The following TCF25 variants were observed in gnomAD, a reference collection of about 807,000 sequenced individuals.
TCF25 encodes the protein ribosome quality control complex subunit TCF25.
Under a neutral mutation model 83.1 loss-of-function variants are expected in TCF25, and 41 were observed. That is an observed-to-expected ratio of 0.49 (90% CI 0.38 to 0.64). TCF25 has a LOEUF of 0.64. Among genes scored for constraint, TCF25 ranks in the 30% least tolerant of loss-of-function variants. TCF25 has a pLI of 0.00. For missense variants in TCF25, 979 were observed against 914.5 expected, an observed-to-expected ratio of 1.07 and a Z score of -0.91; for synonymous variants, 458 against 365.0, an observed-to-expected ratio of 1.25 and a Z score of -2.90.
intron 5 of TCF25, among the ~76,000 whole-genome samples, chr16:89,891,878 C>G (rs1438091410): frequency 1.3e-5 from 2 of 152,062 alleles, no homozygotes; most frequent in African/African-American, 4.8e-5. Context: ...CTGTCTTGCC[C>G]AGGCCAGTCT....
At position 89,906,419 on chromosome 16, in the gene TCF25, G is replaced by A. The variant is rs115407976; in HGVS notation, c.1719+135G>A. On this transcript the variant is annotated intron_variant, in intron 15 of 17. Transcript: ENST00000263346. ...GCCCAGCCCCGCCACGGCAGGGGCA[G>A]GGTCTAGTGCAGAGGGCTCCTCCTT... The A allele has an allele frequency of 5.9e-4, 476 of 801,756 alleles. 4 individuals are homozygous for A. The African/African-American group carries it at 7.1e-3, about 12-fold the overall frequency. 49.7% of individuals were successfully genotyped at this position (801,756 alleles called of 1,614,324 possible).
chr16:89,878,433 C>CTTTTTT, intron 1 of TCF25: 11 of 862,014 alleles, frequency 1.3e-5, no homozygotes, highest in Non-Finnish European at 1.7e-5. Context: ...TAAAAATCAC[C>CTTTTTT]ATTTTTTTTT....
chr16:89,876,823 G>A (rs1008439388), intron 1 of TCF25, among the ~76,000 whole-genome samples: 1 of 151,908 alleles, frequency 6.6e-6, no homozygotes, highest in Admixed American at 6.6e-5. Flanking sequence ...CAGCTACTCA[G>A]GAGGCTGAGG....
intron 5 of TCF25, 89 bp from the exon 6 acceptor site, chr16:89,892,104 T>C (rs546559244): frequency 3.0e-6 from 4 of 1,328,490 alleles, no homozygotes; most frequent in Middle Eastern, 1.9e-4. Flanking sequence ...CAGTTTTGCT[T>C]CCACAGCCCG....
At chr16:89,910,758 G>A in intron 17 of TCF25, 95 bp downstream of exon 17, 1 of 1,398,030 alleles carries the variant, frequency 7.2e-7, no homozygotes, top group Non-Finnish European at 1.0e-6. Flanking sequence ...CCAGGACTGT[G>A]CCAGCCGGCA....
At chr16:89,874,281 G>C (rs2041988984) in intron 1 of TCF25, among the ~76,000 whole-genome samples, 1 of 151,924 alleles carries the variant, frequency 6.6e-6, no homozygotes, top group East Asian at 1.9e-4. Flanking sequence ...CGTGGCTGTC[G>C]TGGGGCCGTG....
intron 12 of TCF25, among the ~76,000 whole-genome samples, chr16:89,903,296 A>C (rs2044500485): frequency 6.6e-6 from 1 of 152,116 alleles, no homozygotes; most frequent in Non-Finnish European, 1.5e-5. Flanking sequence ...TCTGCCCTCA[A>C]CCTGCAGTGC....
rs200443167 is a variant in TCF25 at position 89,883,410 on chromosome 16, G to A, written c.252G>A (p.Ala84=). 7.4e-6 allele frequency: 12 copies of A among 1,614,054 alleles called. No individual in the cohort carries two copies. Among genetic ancestry groups the A allele is most frequent in the South Asian group, 4.4e-5 (4 of 91,074 alleles). The part of the protein sequence containing the change: ...PVVNGERSGC[A]LTDAVAPGNK... ...TGAACGGGGAGAGGTCTGGCTGTGC[G>A]CTCACAGACGCTGTGGCACCAGGGA... is the stretch of plus-strand genomic sequence containing the variant. Residue 84 remains alanine, a synonymous_variant, in exon 2 of 18, where the codon GCG becomes GCA. Coordinates refer to ENST00000263346, the MANE Select transcript of TCF25 (RefSeq NM_014972.3).
intron 5 of TCF25, among the ~76,000 whole-genome samples, chr16:89,890,801 G>C (rs539530641): frequency 5.9e-5 from 9 of 151,784 alleles, no homozygotes; most frequent in African/African-American, 1.9e-4. Context: ...CTGATTACTC[G>C]TAGTAATTAG....
intron 1 of TCF25, among the ~76,000 whole-genome samples, chr16:89,875,764 C>T (rs572540593): frequency 3.8e-4 from 57 of 149,698 alleles, no homozygotes; most frequent in Admixed American, 1.2e-3. Context: ...CCTCGTGATC[C>T]GCCTGCCTCG....
chr16:89,897,461 C>T lies in TCF25; in HGVS notation c.1023-1096C>T, dbSNP rs187948943. ...GTTGTCTGCAGTGTGGGATCCGCTC[C>T]TACCCTCTCAGCCCTCCTGGCAAGC... On this transcript the variant is annotated intron_variant, in intron 9 of 17. Transcript: ENST00000263346. Among the ~76,000 whole-genome samples, 3 of 152,372 alleles carry T rather than the reference C, an allele frequency of 2.0e-5. No individual in the cohort carries two copies. In the East Asian group the frequency reaches 5.8e-4, roughly 29 times the overall value.
rs377390000 is a variant in TCF25, at chr16:89,911,244, C to T, written c.*6C>T. 1.5e-4 allele frequency: 243 copies of T among 1,611,868 alleles called. No homozygotes were observed. Among genetic ancestry groups the T allele is most frequent in the African/African-American group, 2.4e-4 (18 of 75,004 alleles). The stretch of plus-strand genomic sequence containing the variant: ...GGGAGGGGGAGTGGGACTGAGCGTC[C>T]GCAGAGGTGACCGAAAAGCCGTATG... On this transcript the variant is annotated 3_prime_UTR_variant, in exon 18 of 18. Coordinates refer to ENST00000263346, the MANE Select transcript of TCF25 (RefSeq NM_014972.3).
intron 11 of TCF25, 31 bp from the exon 12 acceptor site, chr16:89,900,604 G>T (rs1304498920): frequency 1.9e-6 from 3 of 1,552,488 alleles, no homozygotes; most frequent in African/African-American, 2.7e-5. Context: ...ATGACTTAAG[G>T]CTCCACGCTC....
chr16:89,879,304 A>T (rs71398841), intron 1 of TCF25, among the ~76,000 whole-genome samples: 5 of 101,436 alleles, frequency 4.9e-5, no homozygotes, highest in East Asian at 3.2e-4. Flanking sequence ...GACGGGCTTC[A>T]GAGCCTGTCA....
At chr16:89,897,992 A>G (rs1275535442) in intron 9 of TCF25, among the ~76,000 whole-genome samples, 1 of 152,038 alleles carries the variant, frequency 6.6e-6, no homozygotes, top group African/African-American at 2.4e-5. Context: ...AGTCTCAGCT[A>G]CTTGGAGAGG....
rs1162186545 is a variant in TCF25, at chr16:89,884,613, A to C, written c.386A>C (p.Lys129Thr). 5.0e-6 allele frequency: 8 copies of C among 1,613,712 alleles called. No individual in the cohort carries two copies. Among genetic ancestry groups the C allele is most frequent in the Non-Finnish European group, 5.9e-6 (7 of 1,179,740 alleles). The change falls in exon 3 of 18, where the codon AAA becomes ACA. Residue 129 changes from lysine (K) to threonine (T), a missense_variant. By Grantham distance (78) the Lys-to-Thr change is moderately conservative (BLOSUM62 -1). Transcript: ENST00000263346. ...GCAAGTGGCAAACTCCGGAAGAAGA[A>C]AAAAAAACAGAAAAACAAGAAAAGC... The part of the protein sequence containing the change: ...SHASGKLRKK[K>T]KKQKNKKSST...
chr16:89,903,427 T>C (rs1429325732), intron 12 of TCF25, among the ~76,000 whole-genome samples: 1 of 152,206 alleles, frequency 6.6e-6, no homozygotes, highest in African/African-American at 2.4e-5. Context: ...TCCCAGCACT[T>C]TGGGAGGCCG....
At chr16:89,903,232 A>G (rs985685676) in intron 12 of TCF25, among the ~76,000 whole-genome samples, 2 of 152,336 alleles carry the variant, frequency 1.3e-5, no homozygotes, top group South Asian at 4.1e-4. Flanking sequence ...ACCCCAGAAC[A>G]CTGGAGATCA....
chr16:89,901,121 A>G, intron 12 of TCF25: 1 of 233,192 alleles, frequency 4.3e-6, no homozygotes, highest in Non-Finnish European at 8.6e-6. Flanking sequence ...AAGCAGGGGA[A>G]GGTCTCGGCA....
Sources: gnomAD v4.1 joint callset for allele counts (sites outside exome capture counted in the v4.1 genomes callset) on GRCh38, gnomAD v4.1.1 for gene constraint, MANE v1.5 for transcripts, NCBI Gene and HGNC (gene_info 2026-07-23, HGNC 2026-07-21) for gene names.